Variants in NIPBL observed in about 807,000 individuals in gnomAD.
The protein encoded by NIPBL is NIPBL cohesin loading factor.
Under a neutral mutation model 321.8 loss-of-function variants are expected in NIPBL, and 19 were observed. The ratio of observed to expected loss-of-function variants is 0.06; its 90% CI spans 0.04 to 0.09. NIPBL has a LOEUF of 0.09. NIPBL is among the 10% of genes least tolerant of loss of function. NIPBL has a pLI of 1.00. For synonymous variants in NIPBL, 1,106 were observed against 1,114.1 expected (o/e 0.99, Z 0.14); for missense variants, 2,210 against 3,327.0 (o/e 0.66, Z 8.26).
chr5:36,880,340 T>A (rs1397197022), intron 1 of NIPBL, among the ~76,000 whole-genome samples: 1 of 152,084 alleles, frequency 6.6e-6, no homozygotes, highest in Non-Finnish European at 1.5e-5. Flanking sequence ...TAGTAATTAA[T>A]AATATAAGAG....
intron 32 of NIPBL, among the ~76,000 whole-genome samples, chr5:37,027,791 G>T (rs1454745523): frequency 6.6e-6 from 1 of 151,464 alleles, no homozygotes; most frequent in Non-Finnish European, 1.5e-5. Flanking sequence ...GCTAATTTTT[G>T]TATTTTTGGT....
chr5:36,960,920 A>T (rs777021729), intron 4 of NIPBL, among the ~76,000 whole-genome samples: 1 of 152,152 alleles, frequency 6.6e-6, no homozygotes, highest in Non-Finnish European at 1.5e-5. Flanking sequence ...TGTGACAAAG[A>T]GTTATTGTGA....
intron 1 of NIPBL, among the ~76,000 whole-genome samples, chr5:36,882,156 T>C (rs1745554318): frequency 6.6e-6 from 1 of 151,974 alleles, no homozygotes; most frequent in South Asian, 2.1e-4. Flanking sequence ...GTGAATACCT[T>C]TAACACATTT....
intron 44 of NIPBL, 85 bp from the exon 45 acceptor site, chr5:37,060,759 A>G (rs1340091052): frequency 8.7e-7 from 1 of 1,144,856 alleles, no homozygotes; most frequent in Non-Finnish European, 1.3e-6. Flanking sequence ...TTTCATTAAT[A>G]TGGTGCTTCC....
chr5:36,938,747 T>A (rs914460683), intron 1 of NIPBL, among the ~76,000 whole-genome samples: 5 of 152,146 alleles, frequency 3.3e-5, no homozygotes, highest in Admixed American at 1.3e-4. Context: ...AAGGAGGTCG[T>A]CACCCAGCTT....
intron 16 of NIPBL, among the ~76,000 whole-genome samples, chr5:37,005,871 G>A (rs1443013654): frequency 6.6e-6 from 1 of 152,062 alleles, no homozygotes; most frequent in Non-Finnish European, 1.5e-5. Flanking sequence ...TTTAATCTCA[G>A]TTTCAGAAAC....
At chr5:37,064,336 TTA>T in intron 46 of NIPBL, 189 bp from the exon 47 acceptor site, 1 of 1,444,648 alleles carries the variant, frequency 6.9e-7, no homozygotes, top group Non-Finnish European at 9.0e-7. Flanking sequence ...AAATTAAGAG[TTA>T]TATGGTTTTA....
At chr5:37,037,082 ATTAC>A (rs946785338) in intron 33 of NIPBL, among the ~76,000 whole-genome samples, 11 of 151,930 alleles carry the variant, frequency 7.2e-5, no homozygotes, top group Non-Finnish European at 1.6e-4. Context: ...TAAATAAATG[ATTAC>A]TTAAGAAATA....
intron 1 of NIPBL, among the ~76,000 whole-genome samples, chr5:36,923,402 T>C (rs1000264087): frequency 2.0e-5 from 3 of 152,228 alleles, no homozygotes; most frequent in African/African-American, 4.8e-5. Context: ...TTTCCTTTCA[T>C]GGATAAGTTG....
chr5:36,935,533 GGTACCATATT>G (rs1738314439), intron 1 of NIPBL, among the ~76,000 whole-genome samples: 2 of 152,152 alleles, frequency 1.3e-5, no homozygotes, highest in South Asian at 4.2e-4. Context: ...GTGCTTCTAA[GGTACCATATT>G]GTATTAGAAT....
At chr5:37,052,022 AAGTT>A (rs2149741807) in intron 41 of NIPBL, 136 bp downstream of exon 41, 2 of 738,334 alleles carry the variant, frequency 2.7e-6, no homozygotes, top group East Asian at 5.4e-5. Context: ...ACATGCAACT[AAGTT>A]AGTCTTCCAA....
chr5:36,944,945 A>G (rs1162992132), intron 1 of NIPBL, among the ~76,000 whole-genome samples: 1 of 152,150 alleles, frequency 6.6e-6, no homozygotes. Flanking sequence ...CCTAAACCTC[A>G]TTTGGAAATA....
At chr5:37,000,787 C>T in intron 12 of NIPBL, 30 bp from the exon 13 acceptor site, 1 of 1,543,298 alleles carries the variant, frequency 6.5e-7, no homozygotes, top group African/African-American at 1.4e-5. Flanking sequence ...GTCAGTCCTG[C>T]ATTTCAGTAC....
intron 1 of NIPBL, among the ~76,000 whole-genome samples, chr5:36,916,970 T>G (rs1434676815): frequency 6.6e-6 from 1 of 152,126 alleles, no homozygotes; most frequent in African/African-American, 2.4e-5. Flanking sequence ...TACGTGTGCA[T>G]GTGTCTTTAT....
chr5:37,024,080 G>T (rs546860343), intron 29 of NIPBL, among the ~76,000 whole-genome samples: 1 of 151,758 alleles, frequency 6.6e-6, no homozygotes, highest in African/African-American at 2.4e-5. Flanking sequence ...CAGGAGAATC[G>T]CTTGAGCCTG....
intron 9 of NIPBL, among the ~76,000 whole-genome samples, chr5:36,982,637 A>G (rs538794530): frequency 6.6e-6 from 1 of 151,996 alleles, no homozygotes; most frequent in East Asian, 1.9e-4. Context: ...TAGTTTAAAT[A>G]AAATATATCA....
intron 4 of NIPBL, among the ~76,000 whole-genome samples, chr5:36,959,641 A>G (rs1392223942): frequency 6.6e-6 from 1 of 152,208 alleles, no homozygotes; most frequent in Non-Finnish European, 1.5e-5. Context: ...GTTTTATGAG[A>G]ATGTGAGTAA....
chr5:36,958,355 A>G, intron 4 of NIPBL, 124 bp downstream of exon 4: 1 of 872,606 alleles, frequency 1.1e-6, no homozygotes, highest in Admixed American at 2.0e-5. Context: ...CAAGCCAAGA[A>G]CAAGAAGGAA....
intron 32 of NIPBL, among the ~76,000 whole-genome samples, chr5:37,033,993 T>A (rs1000961138): frequency 2.0e-5 from 3 of 151,900 alleles, no homozygotes; most frequent in Non-Finnish European, 2.9e-5. Context: ...TTGGCACATA[T>A]ATAACCAACA....
Sources: gnomAD v4.1 joint callset for allele counts (sites outside exome capture counted in the v4.1 genomes callset) on GRCh38, gnomAD v4.1.1 for gene constraint, MANE v1.5 for transcripts, NCBI Gene and HGNC (gene_info 2026-07-23, HGNC 2026-07-21) for gene names.